Variants in PRSS53 observed in about 807,000 individuals in gnomAD.
PRSS53 encodes the protein EDTP308.
Under a neutral mutation model 62.7 loss-of-function variants are expected in PRSS53, and 54 were observed. That is an observed-to-expected ratio of 0.86 (90% CI 0.69 to 1.08). PRSS53 has a LOEUF of 1.08. PRSS53 is among the 50% of genes least tolerant of loss of function. The pLI, the probability that PRSS53 is intolerant of heterozygous loss-of-function variation, is 0.00. For missense variants in PRSS53, 688 were observed against 728.3 expected (o/e 0.94, Z 0.64); for synonymous variants, 273 against 300.0 (o/e 0.91, Z 0.93).
At chr16:31,086,448 G>A (rs369159765) in exon 5 of PRSS53, 1 of 1,613,972 alleles carries the variant, frequency 6.2e-7, no homozygotes, top group African/African-American at 1.3e-5. Context: ...TACATGTGGG[G>A]CGACTGATGA....
chr16:31,088,776 C>T (rs748276565), exon 1 of PRSS53: 22 of 1,613,672 alleles, frequency 1.4e-5, no homozygotes, highest in Non-Finnish European at 1.4e-5. Flanking sequence ...GTGGCACCCG[C>T]GATGAGCAGC....
chr16:31,085,569 C>T (rs143505978), intron 6 of PRSS53, among the ~76,000 whole-genome samples: 44 of 152,296 alleles, frequency 2.9e-4, no homozygotes, highest in African/African-American at 1.0e-3. Context: ...GCCTGCCTCC[C>T]GTATTCCTGA....
chr16:31,083,742 C>A (rs761835858), exon 11 of PRSS53: 2 of 1,613,954 alleles, frequency 1.2e-6, no homozygotes, highest in South Asian at 2.2e-5. Context: ...GCAGTAATGC[C>A]ATTTGCCTGC....
chr16:31,084,266 C>T lies in PRSS53; in HGVS notation c.1495G>A (p.Gly499Arg), dbSNP rs757127573. 37 of 1,612,468 alleles carry T rather than the reference C, an allele frequency of 2.3e-5. No individual in the cohort carries two copies. Among genetic ancestry groups the T allele is most frequent in the African/African-American group, 2.0e-4 (15 of 74,938 alleles). The change falls in exon 10 of 11, where the codon GGA becomes AGA. Residue 499 changes from glycine to arginine, a missense_variant. Transcript: ENST00000280606. Reference sequence around the variant, plus strand: ...CTGGCGGGGCCTTGGCAAGCATCTCCGAAGCTGTGCAGCCCGGCCAGGAAC... The same window carrying T: ...CTGGCGGGGCCTTGGCAAGCATCTCTGAAGCTGTGCAGCCCGGCCAGGAAC...
intron 1 of PRSS53, 173 bp from the exon 2 acceptor site, chr16:31,087,999 G>A: frequency 6.6e-7 from 1 of 1,507,534 alleles, no homozygotes; most frequent in Non-Finnish European, 8.9e-7. Context: ...GCTTTTATTG[G>A]AACCTATTCA....
chr16:31,083,876 A>T, intron 10 of PRSS53, 67 bp from the exon 11 acceptor site: 1 of 1,477,724 alleles, frequency 6.8e-7, no homozygotes, highest in Non-Finnish European at 9.2e-7. Flanking sequence ...CTCCCTCCCC[A>T]TTCCTCGAAG....
At chr16:31,088,158 G>T (rs904104739) in intron 1 of PRSS53, 248 of 1,300,786 alleles carry the variant, frequency 1.9e-4, no homozygotes, top group Non-Finnish European at 6.9e-5. Flanking sequence ...GCCTGTGTGT[G>T]TAGAGAGCAT....
chr16:31,085,296 A>C (rs374205565), intron 6 of PRSS53, 36 bp from the exon 7 acceptor site: 1 of 1,503,580 alleles, frequency 6.7e-7, no homozygotes, highest in African/African-American at 1.4e-5. Context: ...ACTTCTTGCT[A>C]AGCACTTCCC....
chr16:31,087,908 C>G, intron 1 of PRSS53, 82 bp from the exon 2 acceptor site: 1 of 1,583,444 alleles, frequency 6.3e-7, no homozygotes, highest in Admixed American at 1.8e-5. Flanking sequence ...GGCTGGGGGG[C>G]GGGCCCAGGG....
intron 3 of PRSS53, 166 bp from the exon 4 acceptor site, chr16:31,087,064 A>G (rs978574945): frequency 2.5e-5 from 17 of 677,694 alleles, no homozygotes; most frequent in East Asian, 1.5e-4. Context: ...TGGCATGACC[A>G]TGACTCACTA....
At chr16:31,086,277 C>T in intron 5 of PRSS53, 60 bp downstream of exon 5, 1 of 1,583,276 alleles carries the variant, frequency 6.3e-7, no homozygotes, top group South Asian at 1.1e-5. Flanking sequence ...CCTGTGAGTC[C>T]AACCCCCAGC....
chr16:31,087,936 GATTAC>G, intron 1 of PRSS53, 110 bp from the exon 2 acceptor site: 2 of 1,559,200 alleles, frequency 1.3e-6, no homozygotes, highest in Non-Finnish European at 1.7e-6. Context: ...CTGTGACTCT[GATTAC>G]CTTACCAGCC....
At chr16:31,086,880 C>G in exon 4 of PRSS53, 1 of 1,599,744 alleles carries the variant, frequency 6.3e-7, no homozygotes, top group Non-Finnish European at 8.5e-7. Flanking sequence ...ACCAGGAATT[C>G]AGTTCTGTTG....
intron 8 of PRSS53, 38 bp downstream of exon 8, chr16:31,084,742 G>A (rs371518777): frequency 1.9e-6 from 3 of 1,597,204 alleles, no homozygotes; most frequent in Non-Finnish European, 2.6e-6. Context: ...CGGCCTGCAG[G>A]TTGGATGGAC....
intron 6 of PRSS53, 138 bp from the exon 7 acceptor site, chr16:31,085,398 C>T: frequency 9.5e-7 from 1 of 1,051,626 alleles, no homozygotes; most frequent in Non-Finnish European, 1.3e-6. Flanking sequence ...GGTTAAGAGA[C>T]TTCCTTGCTC....
chr16:31,083,804 G>C, exon 11 of PRSS53: 1 of 1,614,072 alleles, frequency 6.2e-7, no homozygotes, highest in Non-Finnish European at 8.5e-7. Context: ...CAGCTGGTTG[G>C]TTGGCCTGTG....
At chr16:31,087,351 G>A in intron 3 of PRSS53, 186 bp downstream of exon 3, 2 of 615,134 alleles carry the variant, frequency 3.3e-6, no homozygotes, top group South Asian at 2.0e-5. Flanking sequence ...TTTCTGATTT[G>A]TAAATCTTCT....
exon 7 of PRSS53, chr16:31,085,232 G>C: frequency 1.9e-6 from 3 of 1,593,666 alleles, no homozygotes; most frequent in Non-Finnish European, 2.6e-6. Flanking sequence ...CTCCTGCCTG[G>C]GGACCTGCTG....
In PRSS53 at chr16:31,086,427, G is replaced by T. The variant is rs780474004; in HGVS notation, c.573C>A (p.Tyr191Ter). 18 of 1,614,014 alleles carry T rather than the reference G, an allele frequency of 1.1e-5. No homozygotes were observed. The highest frequency in any genetic ancestry group is 1.4e-5 in the Non-Finnish European group (16 of 1,180,034). The change falls in exon 5 of 11, where the codon TAC (tyrosine) becomes TAA (stop). Residue 191 changes from tyrosine to a stop codon, truncating the protein, a stop_gained. Coordinates refer to ENST00000280606, the Ensembl canonical transcript of PRSS53. LOFTEE classifies it high-confidence loss of function. ...ACAGGTGTCGCTGGTGCAGCTGGTT[G>T]TAGATACAGTTACATGTGGGGCGAC...
Sources: allele counts gnomAD v4.1 joint callset (sites outside exome capture counted in the v4.1 genomes callset), GRCh38; gene constraint gnomAD v4.1.1; transcripts MANE v1.5; gene names NCBI Gene and HGNC (gene_info 2026-07-23, HGNC 2026-07-21).